The following ZYG11A variants were observed in gnomAD, a reference collection of about 807,000 sequenced individuals.
The protein encoded by ZYG11A is protein zyg-11 homolog A.
Under a neutral mutation model 77.2 loss-of-function variants are expected in ZYG11A, and 62 were observed. The ratio of observed to expected loss-of-function variants is 0.80; its 90% CI spans 0.65 to 0.99. ZYG11A has a LOEUF of 0.99. Among genes scored for constraint, ZYG11A ranks in the 50% least tolerant of loss-of-function variants. The pLI, the probability that ZYG11A is intolerant of heterozygous loss-of-function variation, is 0.00. For missense variants in ZYG11A, 828 were observed against 896.8 expected (o/e 0.92, Z 0.98); for synonymous variants, 315 against 324.6 (o/e 0.97, Z 0.32).
At position 52,861,013 on chromosome 1, in the gene ZYG11A, C is replaced by T. The variant is rs1179338861; in HGVS notation, c.1149+142C>T. On this transcript the variant is annotated intron_variant, in intron 4 of 13. Transcript: ENST00000371528. ...CTCTCATAGAGCAAAGAATGTTAAGCTTAGCTGCCAAAGTGTCTTTTGCTT... is the reference window on the plus strand; with the variant it reads ...CTCTCATAGAGCAAAGAATGTTAAGTTTAGCTGCCAAAGTGTCTTTTGCTT... 1.0e-5 allele frequency: 8 copies of T among 789,754 alleles called. No individual in the cohort carries two copies. In the East Asian group the frequency reaches 1.9e-4, roughly 19 times the overall value. The allele number at this position is 789,754 out of a possible 1,614,324, so 48.9% of individuals were successfully genotyped here.
intron 8 of ZYG11A, among the ~76,000 whole-genome samples, chr1:52,868,769 G>A (rs1389808335): frequency 6.6e-6 from 1 of 152,158 alleles, no homozygotes; most frequent in African/African-American, 2.4e-5. Flanking sequence ...CCTGGTGACA[G>A]AGTAAAATTG....
chr1:52,849,446 C>T (rs1160562083), intron 1 of ZYG11A, among the ~76,000 whole-genome samples: 1 of 151,850 alleles, frequency 6.6e-6, no homozygotes, highest in African/African-American at 2.4e-5. Context: ...TCACTGCAGC[C>T]TCCTGCCTCC....
intron 10 of ZYG11A, among the ~76,000 whole-genome samples, chr1:52,879,187 A>G (rs989028799): frequency 6.6e-6 from 1 of 152,238 alleles, no homozygotes; most frequent in African/African-American, 2.4e-5. Flanking sequence ...TAATAAAGAC[A>G]TATAGTAAGC....
chr1:52,893,167 A>G lies in ZYG11A; in HGVS notation c.*210A>G. On this transcript the variant is annotated 3_prime_UTR_variant, in exon 14 of 14. Transcript: ENST00000371528. Reference sequence around the variant, plus strand: ...CTCATTCTGCAGCCTTTCAGCAGCAATTTTGAAGACTCAAACCGTGGACTC... The same window carrying G: ...CTCATTCTGCAGCCTTTCAGCAGCAGTTTTGAAGACTCAAACCGTGGACTC... 1.9e-6 allele frequency: 1 copy of G among 521,632 alleles called. No individual in the cohort carries two copies. The highest frequency in any genetic ancestry group is 1.9e-5 in the African/African-American group (1 of 52,522). The allele number at this position is 521,632 out of a possible 1,614,324, so 32.3% of individuals were successfully genotyped here.
intron 5 of ZYG11A, among the ~76,000 whole-genome samples, chr1:52,866,153 G>A (rs1402360244): frequency 2.6e-5 from 4 of 152,000 alleles, no homozygotes; most frequent in African/African-American, 9.7e-5. Context: ...TAGCCAGGTT[G>A]GTCTCGATCT....
intron 1 of ZYG11A, among the ~76,000 whole-genome samples, chr1:52,849,735 T>G (rs937984806): frequency 6.6e-6 from 1 of 150,560 alleles, no homozygotes; most frequent in African/African-American, 2.4e-5. Context: ...CAGGCTGGAG[T>G]GCAGTGGCGC....
chr1:52,854,401 C>A, intron 1 of ZYG11A, 64 bp from the exon 2 acceptor site: 1 of 1,420,578 alleles, frequency 7.0e-7, no homozygotes, highest in Admixed American at 2.2e-5. Flanking sequence ...ATGGCATGAC[C>A]AGTTTTATGT....
chr1:52,866,437 A>ATGG, intron 5 of ZYG11A, 66 bp from the exon 6 acceptor site: 1 of 920,436 alleles, frequency 1.1e-6, no homozygotes, highest in Non-Finnish European at 1.7e-6. Context: ...TTCCAAATAC[A>ATGG]TGGAATCTTT....
At chr1:52,846,314 A>T (rs1320011547) in intron 1 of ZYG11A, among the ~76,000 whole-genome samples, 110 of 2,212 alleles carry the variant, frequency 0.05, 6 homozygotes, top group African/African-American at 0.15. Context: ...AAATTTTTAT[A>T]TATATATATA....
chr1:52,857,217 A>G lies in ZYG11A; in HGVS notation c.476A>G (p.Gln159Arg). 1.3e-6 allele frequency: 2 copies of G among 1,552,258 alleles called. No individual in the cohort carries two copies. The highest frequency in any genetic ancestry group is 1.7e-6 in the Non-Finnish European group (2 of 1,147,134). The stretch of plus-strand genomic sequence containing the variant: ...AATAGGTGGATCCAGCAAAACCTCC[A>G]GTGTCTCCTGTTAGACTCGACAAGC... ...CSNRWIQQNL[Q>R]CLLLDSTSIP... is the part of the protein sequence containing the mutation. Residue 159 changes from glutamine (Q) to arginine (R), a missense_variant, in exon 3 of 14, where the codon CAG (glutamine) becomes CGG (arginine). By Grantham distance (43) the Gln-to-Arg change is conservative. Transcript: ENST00000371528.
At chr1:52,857,785 T>C in intron 3 of ZYG11A, 36 bp downstream of exon 3, 1 of 1,486,970 alleles carries the variant, frequency 6.7e-7, no homozygotes, top group Non-Finnish European at 8.9e-7. Context: ...GTTTCATTTG[T>C]TTAGAACATT....
chr1:52,860,935 G>A (rs1037729694), intron 4 of ZYG11A, 64 bp downstream of exon 4: 29 of 1,401,022 alleles, frequency 2.1e-5, no homozygotes, highest in African/African-American at 8.6e-5. Flanking sequence ...AATTGTTCAC[G>A]AACCACACTG....
chr1:52,880,408 C>A (rs1056213453), intron 10 of ZYG11A, among the ~76,000 whole-genome samples: 4 of 152,014 alleles, frequency 2.6e-5, no homozygotes, highest in Admixed American at 2.0e-4. Context: ...CCTCATTAAA[C>A]CTTTGGTTTT....
intron 4 of ZYG11A, among the ~76,000 whole-genome samples, chr1:52,862,167 C>T (rs1645939556): frequency 6.6e-6 from 1 of 151,586 alleles, no homozygotes; most frequent in Non-Finnish European, 1.5e-5. Flanking sequence ...CGAGATGATA[C>T]CACTGCACTC....
intron 1 of ZYG11A, among the ~76,000 whole-genome samples, chr1:52,844,189 T>G (rs1301176732): frequency 6.6e-6 from 1 of 152,150 alleles, no homozygotes; most frequent in African/African-American, 2.4e-5. Flanking sequence ...CTCGAGGGAT[T>G]GAGTGGTGAA....
intron 8 of ZYG11A, among the ~76,000 whole-genome samples, chr1:52,869,390 G>T (rs75263765): frequency 6.6e-6 from 1 of 151,240 alleles, no homozygotes; most frequent in Non-Finnish European, 1.5e-5. Flanking sequence ...AGGACCCTGC[G>T]GCCTTCCGCA....
At chr1:52,859,345 A>T (rs1372101317) in intron 3 of ZYG11A, among the ~76,000 whole-genome samples, 3 of 147,470 alleles carry the variant, frequency 2.0e-5, no homozygotes, top group Non-Finnish European at 4.5e-5. Flanking sequence ...TTTATTTTTT[A>T]TTTTTTTTGA....
At chr1:52,880,066 C>CTT (rs10682296) in intron 10 of ZYG11A, among the ~76,000 whole-genome samples, 50,083 of 109,950 alleles carry the variant, frequency 0.46, 12,666 homozygotes, top group Non-Finnish European at 0.56. Context: ...ACCCAGCCCA[C>CTT]TTTTTTTTTT....
chr1:52,857,306 T>C lies in ZYG11A; in HGVS notation c.565T>C (p.Phe189Leu). ...CACTGGTCTTCGCATTTTAAGTGTT[T>C]TTAATGTTTGTTTTCATACTGAAGA... The part of the protein sequence containing the change: ...QLTGLRILSV[F>L]NVCFHTEDLA... The change falls in exon 3 of 14, where the codon TTT becomes CTT. Residue 189 changes from phenylalanine to leucine, a missense_variant. Transcript: ENST00000371528. 1.3e-6 allele frequency: 2 copies of C among 1,551,978 alleles called. No individual in the cohort carries two copies. The highest frequency in any genetic ancestry group is 2.4e-5 in the South Asian group (2 of 84,066).
Sources: allele counts gnomAD v4.1 joint callset (sites outside exome capture counted in the v4.1 genomes callset), GRCh38; gene constraint gnomAD v4.1.1; transcripts MANE v1.5; gene names NCBI Gene and HGNC (gene_info 2026-07-23, HGNC 2026-07-21).